PCDHA3: variants seen among roughly 807,000 people sequenced by gnomAD.
The protein encoded by PCDHA3 is protocadherin alpha 3.
A neutral mutation model predicts 62.2 loss-of-function variants in PCDHA3; 41 were observed. The observed-to-expected ratio is 0.66, with a 90% CI of 0.51 to 0.86. The LOEUF (loss-of-function observed/expected upper bound fraction) is 0.86. PCDHA3 is among the 40% of genes least tolerant of loss of function. PCDHA3 has a pLI of 0.00. For synonymous variants in PCDHA3, 640 were observed against 555.4 expected (o/e 1.15, Z -2.14); for missense variants, 1,304 against 1,241.2 (o/e 1.05, Z -0.76).
intron 3 of PCDHA3, among the ~76,000 whole-genome samples, chr5:140,988,398 C>A (rs531157517): frequency 1.3e-5 from 2 of 152,238 alleles, no homozygotes; most frequent in Non-Finnish European, 2.9e-5. Context: ...TGCCAGAGTT[C>A]TCTTCGCAGC....
At chr5:140,830,409 G>A (rs1554132809) in intron 1 of PCDHA3, 3 of 1,614,040 alleles carry the variant, frequency 1.9e-6, no homozygotes, top group African/African-American at 2.7e-5. Context: ...ATGGCCTTTA[G>A]CCCCAGCCTT....
chr5:140,916,092 A>T (rs1396935399), intron 1 of PCDHA3, among the ~76,000 whole-genome samples: 1 of 152,092 alleles, frequency 6.6e-6, no homozygotes, highest in Non-Finnish European at 1.5e-5. Flanking sequence ...GTCCACAGGG[A>T]ATCTGCCTGG....
intron 1 of PCDHA3, among the ~76,000 whole-genome samples, chr5:140,941,202 C>CCTTCCTTTCTTTCTTT (rs1554213920): frequency 7.0e-4 from 86 of 122,822 alleles, no homozygotes; most frequent in Admixed American, 2.1e-3. Context: ...TTTCTTTCTT[C>CCTTCCTTTCTTTCTTT]CTTTCTTTCT....
chr5:140,807,845 C>T lies in PCDHA3; in HGVS notation c.2394+4254C>T, dbSNP rs782647653. On this transcript the variant is annotated intron_variant, in intron 1 of 3. Transcript: ENST00000522353. ...GCTCACAGCCACTGATGGAGGCAAACCCGAGTTGACTGGCACCGTTCAGTT... is the reference window on the plus strand; with the variant it reads ...GCTCACAGCCACTGATGGAGGCAAATCCGAGTTGACTGGCACCGTTCAGTT... 1.5e-5 allele frequency: 24 copies of T among 1,613,992 alleles called. No individual in the cohort carries two copies. The highest frequency in any genetic ancestry group is 1.9e-5 in the Non-Finnish European group (22 of 1,180,030).
At chr5:140,871,043 T>A (rs763700203) in intron 1 of PCDHA3, 1 of 1,613,370 alleles carries the variant, frequency 6.2e-7, no homozygotes, top group Non-Finnish European at 8.5e-7. Context: ...CACCGACTTC[T>A]AGTACTGGTG....
intron 1 of PCDHA3, among the ~76,000 whole-genome samples, chr5:140,886,261 T>C (rs1162814294): frequency 1.3e-5 from 2 of 152,036 alleles, no homozygotes; most frequent in African/African-American, 4.8e-5. Context: ...TCTCTATTTA[T>C]AGATAAAATT....
At position 140,842,490 on chromosome 5, in the gene PCDHA3, T is replaced by C. The variant is rs2150337276; in HGVS notation, c.2394+38899T>C. The C allele has an allele frequency of 9.9e-6, 16 of 1,613,892 alleles. No homozygotes were observed. In the South Asian group the frequency reaches 1.6e-4, roughly 17 times the overall value. On this transcript the variant is annotated intron_variant, in intron 1 of 3. Transcript: ENST00000522353. ...AACGGGCAGGTGACCTGCTCCCTGA[T>C]GCCCCATGTCCCCTTCAAGCTGGTG... is the stretch of plus-strand genomic sequence containing the variant.
chr5:140,842,975 C>T (rs1554139598), intron 1 of PCDHA3: 3 of 1,594,992 alleles, frequency 1.9e-6, no homozygotes, highest in Non-Finnish European at 2.6e-6. Context: ...CGTGACGCTG[C>T]AGGTGTTCGT....
At chr5:140,966,677 A>C in intron 1 of PCDHA3, 1 of 1,313,088 alleles carries the variant, frequency 7.6e-7, no homozygotes, top group Non-Finnish European at 9.8e-7. Flanking sequence ...GCAGGGTGGC[A>C]CGAGCGGAGG....
intron 1 of PCDHA3, among the ~76,000 whole-genome samples, chr5:140,907,407 C>G (rs1438882988): frequency 3.3e-5 from 5 of 152,168 alleles, no homozygotes; most frequent in African/African-American, 1.2e-4. Flanking sequence ...GTGTGGAATA[C>G]CACGATGGTG....
chr5:140,835,289 C>T, intron 1 of PCDHA3: 1 of 1,612,382 alleles, frequency 6.2e-7, no homozygotes, highest in Non-Finnish European at 8.5e-7. Flanking sequence ...GTGGGGCAAT[C>T]ACAGTGATAG....
chr5:140,875,218 C>T (rs2055357705), intron 1 of PCDHA3: 1 of 744,910 alleles, frequency 1.3e-6, no homozygotes, highest in South Asian at 3.4e-5. Flanking sequence ...CGAAAAGAAC[C>T]TCAGGATCTT....
intron 1 of PCDHA3, among the ~76,000 whole-genome samples, chr5:140,840,393 T>C (rs1266640597): frequency 6.6e-6 from 1 of 151,926 alleles, no homozygotes; most frequent in African/African-American, 2.4e-5. Flanking sequence ...GTTGCAGATA[T>C]GGAGTTAAGA....
At chr5:140,827,018 T>C (rs1218420283) in intron 1 of PCDHA3, among the ~76,000 whole-genome samples, 1 of 152,184 alleles carries the variant, frequency 6.6e-6, no homozygotes, top group Non-Finnish European at 1.5e-5. Context: ...TCATTAAAAA[T>C]ATGAATTTAA....
intron 1 of PCDHA3, among the ~76,000 whole-genome samples, chr5:140,826,393 A>C (rs2150143782): frequency 6.6e-6 from 1 of 152,156 alleles, no homozygotes; most frequent in Non-Finnish European, 1.5e-5. Flanking sequence ...AGAACTACTA[A>C]ATAGATCCAG....
chr5:141,000,223 G>C (rs1190945878), intron 3 of PCDHA3, among the ~76,000 whole-genome samples: 1 of 151,642 alleles, frequency 6.6e-6, no homozygotes, highest in African/African-American at 2.4e-5. Context: ...AAATGCCTGT[G>C]TGGAGCTGAA....
chr5:141,006,365 C>A, intron 3 of PCDHA3, among the ~76,000 whole-genome samples: 1 of 151,966 alleles, frequency 6.6e-6, no homozygotes, highest in East Asian at 1.9e-4. Flanking sequence ...GCGCCCACCA[C>A]CACGCCCGGC....
chr5:140,899,468 G>A (rs1243330987), intron 1 of PCDHA3, among the ~76,000 whole-genome samples: 131 of 152,196 alleles, frequency 8.6e-4, no homozygotes, highest in Admixed American at 2.5e-3. Context: ...TTTGTCTTTG[G>A]TTCTGTTTAT....
chr5:140,884,323 C>G (rs1554181434), intron 1 of PCDHA3: 10 of 1,613,816 alleles, frequency 6.2e-6, no homozygotes, highest in Non-Finnish European at 8.5e-6. Context: ...CGTCGGCAGG[C>G]GCTGTGGGTC....
Sources: allele counts gnomAD v4.1 joint callset (sites outside exome capture counted in the v4.1 genomes callset), GRCh38; gene constraint gnomAD v4.1.1; transcripts MANE v1.5; gene names NCBI Gene and HGNC (gene_info 2026-07-23, HGNC 2026-07-21).